SLC24A2: variants seen among roughly 807,000 people sequenced by gnomAD.
SLC24A2 encodes solute carrier family 24 member 2.
In SLC24A2, 36 loss-of-function variants were observed where a neutral mutation model predicts 62.0. The ratio of observed to expected loss-of-function variants is 0.58; its 90% CI spans 0.44 to 0.77. The LOEUF (loss-of-function observed/expected upper bound fraction) is 0.77. SLC24A2 is among the 30% of genes least tolerant of loss of function. The pLI is 0.00. For missense variants in SLC24A2, 846 were observed against 817.9 expected, an observed-to-expected ratio of 1.03 and a Z score of -0.42; for synonymous variants, 358 against 294.0, an observed-to-expected ratio of 1.22 and a Z score of -2.23.
At chr9:20,038,153 G>A in the SLC24A2 span, among the ~76,000 whole-genome samples, 1 of 152,138 alleles carries the variant, frequency 6.6e-6, no homozygotes, top group South Asian at 2.1e-4. Flanking sequence ...CATATAATTA[G>A]AGGCATTGAC....
chr9:20,230,320 CA>C, the SLC24A2 span, among the ~76,000 whole-genome samples: 1 of 152,170 alleles, frequency 6.6e-6, no homozygotes, highest in Non-Finnish European at 1.5e-5. Context: ...CTGATTTCCA[CA>C]ATGGTTGAAC....
chr9:19,556,226 A>G (rs1221805809), intron 7 of SLC24A2, among the ~76,000 whole-genome samples: 1 of 152,216 alleles, frequency 6.6e-6, no homozygotes, highest in African/African-American at 2.4e-5. Context: ...GCTTCTTTGC[A>G]TGTACATCTT....
At chr9:20,294,041 A>C in the SLC24A2 span, among the ~76,000 whole-genome samples, 1 of 152,106 alleles carries the variant, frequency 6.6e-6, no homozygotes, top group African/African-American at 2.4e-5. Flanking sequence ...ACATTTGCTC[A>C]TCATGACCTC....
the SLC24A2 span, among the ~76,000 whole-genome samples, chr9:20,292,537 T>A: frequency 1.3e-5 from 2 of 152,282 alleles, no homozygotes; most frequent in South Asian, 2.1e-4. Context: ...GTGCTGGGGC[T>A]GCTGTAACAA....
the SLC24A2 span, among the ~76,000 whole-genome samples, chr9:20,024,140 T>C: frequency 3.9e-5 from 6 of 152,192 alleles, no homozygotes; most frequent in African/African-American, 1.4e-4. Context: ...GTTTTTCTCA[T>C]TTATCATCCT....
chr9:20,087,804 A>G, the SLC24A2 span, among the ~76,000 whole-genome samples: 1 of 151,730 alleles, frequency 6.6e-6, no homozygotes, highest in African/African-American at 2.4e-5. Flanking sequence ...ATGCACTGGC[A>G]TTCATCAAGA....
At chr9:19,865,204 G>C in the SLC24A2 span, among the ~76,000 whole-genome samples, 1 of 151,984 alleles carries the variant, frequency 6.6e-6, no homozygotes, top group East Asian at 1.9e-4. Flanking sequence ...AAATGGAAAG[G>C]TATTCCATGT....
chr9:19,968,371 T>A, the SLC24A2 span, among the ~76,000 whole-genome samples: 1 of 152,206 alleles, frequency 6.6e-6, no homozygotes, highest in Non-Finnish European at 1.5e-5. Context: ...CTAAACTGTT[T>A]GCAAACATTT....
chr9:20,013,949 C>A, the SLC24A2 span, among the ~76,000 whole-genome samples: 1 of 152,154 alleles, frequency 6.6e-6, no homozygotes. Context: ...TGGTTCATGC[C>A]TGTTATCCTA....
intron 2 of SLC24A2, among the ~76,000 whole-genome samples, chr9:19,747,197 C>T (rs1396595473): frequency 6.6e-6 from 1 of 152,122 alleles, no homozygotes. Flanking sequence ...AGATACATGT[C>T]AAGCCCTCTG....
chr9:19,635,482 C>T (rs1818289265), intron 2 of SLC24A2, among the ~76,000 whole-genome samples: 1 of 152,036 alleles, frequency 6.6e-6, no homozygotes, highest in South Asian at 2.1e-4. Context: ...CAGAAGTTTA[C>T]TACTTACTAA....
At chr9:20,115,975 C>G in the SLC24A2 span, among the ~76,000 whole-genome samples, 1 of 152,164 alleles carries the variant, frequency 6.6e-6, no homozygotes, top group East Asian at 1.9e-4. Flanking sequence ...AGGCTGCCAA[C>G]TCACAATGGA....
chr9:19,960,545 G>C, the SLC24A2 span, among the ~76,000 whole-genome samples: 1 of 152,142 alleles, frequency 6.6e-6, no homozygotes, highest in Non-Finnish European at 1.5e-5. Context: ...TAATTTCTTT[G>C]AACTTCAGTT....
At chr9:20,139,213 A>T in the SLC24A2 span, among the ~76,000 whole-genome samples, 1 of 152,200 alleles carries the variant, frequency 6.6e-6, no homozygotes, top group African/African-American at 2.4e-5. Flanking sequence ...GCCTCTGAGA[A>T]CTGTCTATTA....
the SLC24A2 span, among the ~76,000 whole-genome samples, chr9:20,036,787 T>C: frequency 1.3e-5 from 2 of 152,100 alleles, no homozygotes; most frequent in Non-Finnish European, 2.9e-5. Flanking sequence ...GATTCCCTTA[T>C]ATCAAATGGT....
the SLC24A2 span, among the ~76,000 whole-genome samples, chr9:19,874,709 C>A: frequency 6.6e-6 from 1 of 152,172 alleles, no homozygotes; most frequent in Non-Finnish European, 1.5e-5. Context: ...GTTGAATTTA[C>A]ACTACATCAT....
At chr9:19,548,175 CTT>C (rs2132737125) in intron 8 of SLC24A2, among the ~76,000 whole-genome samples, 1 of 150,248 alleles carries the variant, frequency 6.7e-6, no homozygotes, top group South Asian at 2.1e-4. Flanking sequence ...TTTCTTCTGT[CTT>C]TTTCAAATGA....
chr9:19,835,770 T>G, the SLC24A2 span, among the ~76,000 whole-genome samples: 19 of 152,262 alleles, frequency 1.2e-4, no homozygotes, highest in African/African-American at 3.9e-4. Context: ...CAACAGAATA[T>G]ACATTCTTTT....
the SLC24A2 span, among the ~76,000 whole-genome samples, chr9:19,986,014 G>T: frequency 6.6e-6 from 1 of 152,070 alleles, no homozygotes; most frequent in African/African-American, 2.4e-5. Context: ...GAAAATATTT[G>T]TAAATCATAT....
Sources: allele counts gnomAD v4.1 joint callset (sites outside exome capture counted in the v4.1 genomes callset), GRCh38; gene constraint gnomAD v4.1.1; transcripts MANE v1.5; gene names NCBI Gene and HGNC (gene_info 2026-07-23, HGNC 2026-07-21).